The following ESR1 variants were observed in gnomAD, a reference collection of about 807,000 sequenced individuals.
ESR1 encodes the protein estrogen receptor.
A neutral mutation model predicts 52.7 loss-of-function variants in ESR1; 12 were observed. The ratio of observed to expected loss-of-function variants is 0.23; its 90% CI spans 0.15 to 0.37. ESR1 has a LOEUF of 0.37. ESR1 is among the 10% of genes least tolerant of loss of function. ESR1 has a pLI of 1.00. For missense variants in ESR1, 584 were observed against 779.7 expected, an observed-to-expected ratio of 0.75 and a Z score of 2.99; for synonymous variants, 305 against 316.8, an observed-to-expected ratio of 0.96 and a Z score of 0.39.
At chr6:152,103,761 C>T (rs1009137456), downstream of ESR1, among the ~76,000 whole-genome samples, 1 of 152,132 alleles carries the variant, frequency 6.6e-6, no homozygotes, top group Non-Finnish European at 1.5e-5. Flanking sequence ...AAACCTCTCC[C>T]TCATTCTGAA....
intron 3 of ESR1, among the ~76,000 whole-genome samples, chr6:151,914,326 C>T (rs1418151418): frequency 2.0e-5 from 3 of 151,792 alleles, no homozygotes; most frequent in Non-Finnish European, 4.4e-5. Flanking sequence ...AACCCATCTG[C>T]TTATTGATTG....
At chr6:152,012,133 TAAC>T (rs1002649391) in intron 5 of ESR1, among the ~76,000 whole-genome samples, 1 of 151,654 alleles carries the variant, frequency 6.6e-6, no homozygotes, top group Non-Finnish European at 1.5e-5. Flanking sequence ...AAAATTATAA[TAAC>T]CTCTCTTTAA....
intron 5 of ESR1, among the ~76,000 whole-genome samples, chr6:152,058,328 C>A (rs1267061434): frequency 6.6e-6 from 1 of 152,182 alleles, no homozygotes; most frequent in African/African-American, 2.4e-5. Flanking sequence ...GGGCAGCATA[C>A]CTCTTGAAAT....
rs573338757 is a variant in ESR1 at position 152,037,826 on chromosome 6, T to A, written c.1236-23165T>A. ...TGGCCGGAATCAAGACTCTTCACCCTGATTTCAGTGCTTTTTCACTCCACC... is the reference window on the plus strand; with the variant it reads ...TGGCCGGAATCAAGACTCTTCACCCAGATTTCAGTGCTTTTTCACTCCACC... On this transcript the variant is annotated intron_variant, in intron 5 of 7. Coordinates refer to ENST00000206249, the MANE Select transcript of ESR1 (RefSeq NM_000125.4). 3.9e-5 allele frequency among the ~76,000 whole-genome samples: 6 copies of A among 152,238 alleles called. No individual in the cohort carries two copies. In the South Asian group the frequency reaches 1.2e-3, roughly 31 times the overall value.
At chr6:152,038,615 C>T (rs147818442) in intron 5 of ESR1, among the ~76,000 whole-genome samples, 1 of 152,102 alleles carries the variant, frequency 6.6e-6, no homozygotes, top group South Asian at 2.1e-4. Flanking sequence ...CACTTAAATG[C>T]TGATATGAAG....
At chr6:151,876,082 G>A (rs142333801) in intron 2 of ESR1, among the ~76,000 whole-genome samples, 2 of 152,206 alleles carry the variant, frequency 1.3e-5, no homozygotes, top group East Asian at 1.9e-4. Flanking sequence ...AATTGGTTTC[G>A]CTTTGAAAAA....
At chr6:151,787,565 G>T (rs1031179460) in intron 2 of ESR1, among the ~76,000 whole-genome samples, 1 of 151,956 alleles carries the variant, frequency 6.6e-6, no homozygotes, top group Non-Finnish European at 1.5e-5. Context: ...TTCACCTCCC[G>T]GGTTAGCTGT....
intron 2 of ESR1, among the ~76,000 whole-genome samples, chr6:151,765,702 T>C (rs1252692922): frequency 1.3e-5 from 2 of 152,198 alleles, no homozygotes; most frequent in African/African-American, 4.8e-5. Flanking sequence ...GCACTTTTCA[T>C]AGAAAGAGTC....
At chr6:151,845,196 C>G (rs1373528680) in intron 2 of ESR1, among the ~76,000 whole-genome samples, 2 of 152,106 alleles carry the variant, frequency 1.3e-5, no homozygotes, top group East Asian at 3.8e-4. Context: ...TCAACGAATA[C>G]AGTGTGAGAT....
At chr6:152,122,374 G>C in intron 6 of ESR1, 2 of 1,612,670 alleles carry the variant, frequency 1.2e-6, no homozygotes, top group Admixed American at 1.7e-5. Context: ...GGTAGTTTGG[G>C]ATTGCTTATG....
intron 1 of ESR1, among the ~76,000 whole-genome samples, chr6:151,828,722 A>G (rs1259005288): frequency 3.3e-5 from 5 of 152,194 alleles, no homozygotes; most frequent in African/African-American, 9.6e-5. Flanking sequence ...CTGCCTTGGT[A>G]GGGCATATCA....
intron 3 of ESR1, among the ~76,000 whole-genome samples, chr6:151,905,223 A>G (rs890882345): frequency 6.6e-6 from 1 of 152,216 alleles, no homozygotes; most frequent in Non-Finnish European, 1.5e-5. Context: ...GAAACAACCT[A>G]GGAAGGAGGT....
At chr6:151,764,090 C>T (rs1408157954) in intron 2 of ESR1, among the ~76,000 whole-genome samples, 1 of 152,092 alleles carries the variant, frequency 6.6e-6, no homozygotes, top group Non-Finnish European at 1.5e-5. Context: ...TTGCTGTCAA[C>T]AGGCGAGATT....
At chr6:151,765,832 C>T (rs1462388035) in intron 2 of ESR1, among the ~76,000 whole-genome samples, 2 of 152,206 alleles carry the variant, frequency 1.3e-5, no homozygotes, top group Non-Finnish European at 2.9e-5. Flanking sequence ...CAGGATATTA[C>T]TCATTCCTCA....
chr6:151,878,830 G>A (rs987166525), intron 2 of ESR1, among the ~76,000 whole-genome samples: 1 of 152,134 alleles, frequency 6.6e-6, no homozygotes, highest in African/African-American at 2.4e-5. Flanking sequence ...ATATTTATTA[G>A]TTTGTGAATT....
intron 6 of ESR1, among the ~76,000 whole-genome samples, chr6:152,071,626 A>G (rs994854454): frequency 6.6e-5 from 10 of 152,226 alleles, no homozygotes; most frequent in African/African-American, 2.4e-4. Flanking sequence ...CTCCATCCGT[A>G]CTGTGTATGC....
intron 2 of ESR1, among the ~76,000 whole-genome samples, chr6:151,796,160 C>T (rs568438089): frequency 2.5e-4 from 36 of 143,096 alleles, no homozygotes; most frequent in Non-Finnish European, 4.4e-4. Flanking sequence ...AGTGAGACTC[C>T]GTCTCAAAAA....
intron 2 of ESR1, among the ~76,000 whole-genome samples, chr6:151,725,723 CA>C (rs1781788332): frequency 6.6e-6 from 1 of 152,164 alleles, no homozygotes; most frequent in Non-Finnish European, 1.5e-5. Flanking sequence ...GCATTTTCTA[CA>C]TGAAGGGCAT....
At chr6:151,697,682 T>G (rs1294646086) in intron 1 of ESR1, among the ~76,000 whole-genome samples, 1 of 152,246 alleles carries the variant, frequency 6.6e-6, no homozygotes, top group African/African-American at 2.4e-5. Flanking sequence ...AGTCTTTTAT[T>G]TTTAACACCT....
Sources: allele counts gnomAD v4.1 joint callset (sites outside exome capture counted in the v4.1 genomes callset), GRCh38; gene constraint gnomAD v4.1.1; transcripts MANE v1.5; gene names NCBI Gene and HGNC (gene_info 2026-07-23, HGNC 2026-07-21).